CA13: variants seen among roughly 807,000 people sequenced by gnomAD.
The protein encoded by CA13 is carbonic anhydrase 13.
In CA13, 21 loss-of-function variants were observed where a neutral mutation model predicts 31.5. The ratio of observed to expected loss-of-function variants is 0.67; its 90% CI spans 0.47 to 0.96. The LOEUF is 0.96. Ranked by LOEUF, CA13 falls within the 40% of genes least tolerant of loss-of-function variation. CA13 has a pLI of 0.00. For synonymous variants in CA13, 117 were observed against 111.4 expected (o/e 1.05, Z -0.32); for missense variants, 315 against 318.9 (o/e 0.99, Z 0.09).
chr8:85,268,557 CA>C lies in CA13; in HGVS notation c.600del (p.Val201PhefsTer13). 1 of 1,613,974 alleles carries C rather than the reference CA, an allele frequency of 6.2e-7. No individual in the cohort carries two copies. The highest frequency in any genetic ancestry group is 8.5e-7 in the Non-Finnish European group (1 of 1,179,880). On this transcript the variant is annotated frameshift_variant, in exon 6 of 7. Transcript: ENST00000321764. LOFTEE classifies it high-confidence loss of function. ...TACTGGACATATCCTGGTTCTCTTA[CA>C]GTTCCACCTCTTCTTGAGAGTGTCA... ...WDYWTYPGSLTVPPLLESVTW... is the reference protein window; with the variant it reads ...WDYWTYPGSLXVPPLLESVTW...
intron 6 of CA13, among the ~76,000 whole-genome samples, chr8:85,274,702 T>C (rs1215647844): frequency 6.6e-6 from 1 of 152,168 alleles, no homozygotes; most frequent in Non-Finnish European, 1.5e-5. Flanking sequence ...GTTTGGTTAG[T>C]GATTATCTTT....
At chr8:85,258,914 G>A (rs975505483) in intron 2 of CA13, among the ~76,000 whole-genome samples, 1 of 151,642 alleles carries the variant, frequency 6.6e-6, no homozygotes, top group Non-Finnish European at 1.5e-5. Context: ...GCAACAGGGC[G>A]AGACCTTGTC....
intron 2 of CA13, among the ~76,000 whole-genome samples, chr8:85,251,168 C>CT (rs1813821747): frequency 6.6e-6 from 1 of 151,826 alleles, no homozygotes; most frequent in South Asian, 2.1e-4. Context: ...TACCCAGCTA[C>CT]TTTTTTTGTA....
chr8:85,254,448 T>C (rs1487009091), intron 2 of CA13, among the ~76,000 whole-genome samples: 3 of 152,162 alleles, frequency 2.0e-5, no homozygotes, highest in African/African-American at 7.2e-5. Context: ...CTCTCTCTCT[T>C]CTGTTTTTCT....
chr8:85,249,034 A>T (rs758509272), intron 1 of CA13, among the ~76,000 whole-genome samples: 22 of 152,198 alleles, frequency 1.4e-4, no homozygotes, highest in Non-Finnish European at 2.1e-4. Context: ...CTAAGCAAGG[A>T]CTTCTGATGC....
chr8:85,257,102 T>C (rs569581897), intron 2 of CA13, among the ~76,000 whole-genome samples: 30 of 152,326 alleles, frequency 2.0e-4, no homozygotes, highest in Non-Finnish European at 3.8e-4. Flanking sequence ...ATTCTCAGGT[T>C]CACTAGTCCT....
intron 6 of CA13, among the ~76,000 whole-genome samples, chr8:85,272,848 C>T (rs1807546558): frequency 6.6e-6 from 1 of 151,490 alleles, no homozygotes; most frequent in African/African-American, 2.4e-5. Context: ...GAAGGAGTCT[C>T]GCTTTGTTGC....
intron 3 of CA13, among the ~76,000 whole-genome samples, chr8:85,266,092 C>A (rs1807451762): frequency 6.6e-6 from 1 of 152,216 alleles, no homozygotes; most frequent in South Asian, 2.1e-4. Context: ...ATTGCAGTCT[C>A]ATCTGTGGAA....
intron 4 of CA13, chr8:85,267,316 T>TA: frequency 1.0e-6 from 1 of 985,706 alleles, no homozygotes; most frequent in Non-Finnish European, 1.2e-6. Flanking sequence ...GGACACCAAG[T>TA]AGGGGTGGTT....
intron 6 of CA13, among the ~76,000 whole-genome samples, 157 bp downstream of exon 6, chr8:85,268,784 C>G (rs1338784435): frequency 2.6e-5 from 4 of 151,318 alleles, no homozygotes; most frequent in Non-Finnish European, 5.9e-5. Context: ...ACCTATGTCC[C>G]TTTCGTATTT....
rs1813811250 is a variant in CA13, at chr8:85,250,737, A to C, written c.38-3A>C. ...CCTTTTCTTTTGGTCCTATATATTT[A>C]AGGTCCTATTCACTGGAAGGAATTT... On this transcript the variant is annotated splice_polypyrimidine_tract_variant and splice_region_variant and intron_variant, in intron 1 of 6. Coordinates refer to ENST00000321764, the MANE Select transcript of CA13 (RefSeq NM_198584.3). 1 of 1,588,032 alleles carries C rather than the reference A, an allele frequency of 6.3e-7. No individual in the cohort carries two copies. The highest frequency in any genetic ancestry group is 8.6e-7 in the Non-Finnish European group (1 of 1,156,846).
At chr8:85,260,869 A>C (rs774585017) in intron 3 of CA13, among the ~76,000 whole-genome samples, 5 of 152,162 alleles carry the variant, frequency 3.3e-5, no homozygotes, top group African/African-American at 4.8e-5. Flanking sequence ...CTGGTCTCTC[A>C]TTTTCCTTAC....
chr8:85,270,610 G>A (rs977820265), intron 6 of CA13, among the ~76,000 whole-genome samples: 2 of 152,130 alleles, frequency 1.3e-5, no homozygotes, highest in African/African-American at 4.8e-5. Context: ...AATTTGAACT[G>A]AATAATATTA....
In CA13 at chr8:85,268,566, C is replaced by A. The variant is rs148130703; in HGVS notation, c.608C>A (p.Pro203His). 2 of 1,613,860 alleles carry A rather than the reference C, an allele frequency of 1.2e-6. No homozygotes were observed. The highest frequency in any genetic ancestry group is 2.7e-5 in the African/African-American group (2 of 74,906). ...WTYPGSLTVP[P>H]LLESVTWIVL... ...TATCCTGGTTCTCTTACAGTTCCAC[C>A]TCTTCTTGAGAGTGTCACATGGATT... is the stretch of plus-strand genomic sequence containing the variant. The change falls in exon 6 of 7, where the codon CCT (proline) becomes CAT (histidine). Residue 203 changes from proline (P) to histidine (H), a missense_variant. Physicochemically the swap from Pro to His is moderately conservative, Grantham distance 77. Transcript: ENST00000321764.
At chr8:85,267,326 T>A in intron 4 of CA13, 1 of 985,496 alleles carries the variant, frequency 1.0e-6, no homozygotes, top group Non-Finnish European at 1.2e-6. Flanking sequence ...TAGGGGTGGT[T>A]GCGGCAGGAT....
At chr8:85,277,991 C>T (rs186718715) in intron 6 of CA13, among the ~76,000 whole-genome samples, 40 of 151,798 alleles carry the variant, frequency 2.6e-4, no homozygotes, top group African/African-American at 7.2e-4. Flanking sequence ...TTTCAGGCCC[C>T]GGGGGAGAAT....
chr8:85,273,222 G>C (rs1807551837), intron 6 of CA13, among the ~76,000 whole-genome samples: 1 of 152,130 alleles, frequency 6.6e-6, no homozygotes, highest in Admixed American at 6.5e-5. Context: ...CAAGCATTTG[G>C]CATTGTCAGT....
intron 2 of CA13, among the ~76,000 whole-genome samples, chr8:85,258,511 G>A (rs55701281): frequency 0.048 from 7,352 of 152,124 alleles, 219 homozygotes; most frequent in Non-Finnish European, 0.063. Context: ...AAAAAACTGT[G>A]TTGATTGTGT....
chr8:85,250,405 T>G (rs1296007868), intron 1 of CA13, among the ~76,000 whole-genome samples: 2 of 152,234 alleles, frequency 1.3e-5, no homozygotes, highest in East Asian at 3.8e-4. Flanking sequence ...TGAGACTGAA[T>G]GTCATTGTTT....
Sources: gnomAD v4.1 joint callset for allele counts (sites outside exome capture counted in the v4.1 genomes callset) on GRCh38, gnomAD v4.1.1 for gene constraint, MANE v1.5 for transcripts, NCBI Gene and HGNC (gene_info 2026-07-23, HGNC 2026-07-21) for gene names.